The following TSPAN5 variants were observed in gnomAD, a reference collection of about 807,000 sequenced individuals.
The protein encoded by TSPAN5 is tetraspanin-5.
TSPAN5 carries 10 observed loss-of-function variants against 37.1 expected under a neutral mutation model. The ratio of observed to expected loss-of-function variants is 0.27; its 90% CI spans 0.17 to 0.46. TSPAN5 has a LOEUF of 0.46. Ranked by LOEUF, TSPAN5 falls within the 20% of genes least tolerant of loss-of-function variation. The pLI is 1.00. For missense variants in TSPAN5, 195 were observed against 326.6 expected, an observed-to-expected ratio of 0.60 and a Z score of 3.11; for synonymous variants, 110 against 118.9, an observed-to-expected ratio of 0.93 and a Z score of 0.48.
chr4:98,522,110 A>G (rs1753869493), intron 1 of TSPAN5, among the ~76,000 whole-genome samples: 1 of 152,244 alleles, frequency 6.6e-6, no homozygotes, highest in African/African-American at 2.4e-5. Context: ...AAAGCTTCAG[A>G]CATTGTACAG....
chr4:98,585,280 C>T (rs2110200442), intron 1 of TSPAN5, among the ~76,000 whole-genome samples: 1 of 152,226 alleles, frequency 6.6e-6, no homozygotes, highest in African/African-American at 2.4e-5. Flanking sequence ...CAGCCTCCCA[C>T]CTTTGGTAGT....
intron 1 of TSPAN5, among the ~76,000 whole-genome samples, chr4:98,645,066 G>A (rs964562669): frequency 2.0e-5 from 3 of 152,220 alleles, no homozygotes; most frequent in African/African-American, 7.2e-5. Flanking sequence ...GGTACCAGAA[G>A]AGAAGTTTTA....
intron 1 of TSPAN5, among the ~76,000 whole-genome samples, chr4:98,532,511 C>G (rs1246786149): frequency 6.6e-6 from 1 of 152,122 alleles, no homozygotes; most frequent in Non-Finnish European, 1.5e-5. Context: ...TGGTGTATAG[C>G]AATGCTTGTG....
intron 1 of TSPAN5, among the ~76,000 whole-genome samples, chr4:98,600,312 C>T (rs1341849832): frequency 6.6e-6 from 1 of 152,136 alleles, no homozygotes; most frequent in Admixed American, 6.5e-5. Context: ...AATAAGACAA[C>T]AATGAAGTTT....
At chr4:98,627,263 A>G (rs1756628458) in intron 1 of TSPAN5, among the ~76,000 whole-genome samples, 1 of 152,208 alleles carries the variant, frequency 6.6e-6, no homozygotes, top group Admixed American at 6.5e-5. Flanking sequence ...ACAGCTGGGT[A>G]TGAGTGATCC....
intron 1 of TSPAN5, among the ~76,000 whole-genome samples, chr4:98,570,210 T>C (rs1755089721): frequency 6.6e-6 from 1 of 152,214 alleles, no homozygotes; most frequent in African/African-American, 2.4e-5. Context: ...TTACTTCCTT[T>C]CACCCTATAA....
intron 7 of TSPAN5, among the ~76,000 whole-genome samples, chr4:98,475,627 C>A (rs1292985591): frequency 7.2e-5 from 11 of 152,142 alleles, no homozygotes; most frequent in Non-Finnish European, 1.5e-5. Flanking sequence ...TTAATGTCTC[C>A]ATCTTAGAAA....
At chr4:98,515,913 T>A (rs1366134854) in intron 1 of TSPAN5, among the ~76,000 whole-genome samples, 1 of 152,178 alleles carries the variant, frequency 6.6e-6, no homozygotes, top group African/African-American at 2.4e-5. Context: ...AACTTTTAAA[T>A]CCACTAATTT....
At chr4:98,509,761 C>T (rs988908547) in intron 1 of TSPAN5, 1 of 152,166 alleles carries the variant, frequency 6.6e-6, no homozygotes, top group African/African-American at 2.4e-5. Context: ...CTCTGTAGCA[C>T]AAAAGTAAAA....
chr4:98,556,024 CCACACACACAGCACCCCCACACA>C (rs1401743104), intron 1 of TSPAN5, among the ~76,000 whole-genome samples: 3 of 136,292 alleles, frequency 2.2e-5, no homozygotes, highest in Non-Finnish European at 3.2e-5. Flanking sequence ...GCACACACCC[CCACACACACAGCACCCCCACACA>C]CACACACACA....
At chr4:98,549,135 T>G (rs1263849264) in intron 1 of TSPAN5, among the ~76,000 whole-genome samples, 1 of 152,214 alleles carries the variant, frequency 6.6e-6, no homozygotes, top group African/African-American at 2.4e-5. Context: ...CATTTTCCAC[T>G]GAGGTTGTAC....
intron 1 of TSPAN5, among the ~76,000 whole-genome samples, chr4:98,521,287 C>T (rs1466214709): frequency 3.3e-5 from 5 of 152,112 alleles, no homozygotes; most frequent in Non-Finnish European, 4.4e-5. Flanking sequence ...ATTTGAACAG[C>T]AGATAGCCTT....
At chr4:98,656,419 G>A (rs1757295560) in intron 1 of TSPAN5, among the ~76,000 whole-genome samples, 1 of 152,316 alleles carries the variant, frequency 6.6e-6, no homozygotes, top group South Asian at 2.1e-4. Flanking sequence ...AAAAGAACCA[G>A]TCCCAGTTCG....
chr4:98,562,018 C>T (rs1000703763), intron 1 of TSPAN5, among the ~76,000 whole-genome samples: 1 of 152,220 alleles, frequency 6.6e-6, no homozygotes, highest in African/African-American at 2.4e-5. Context: ...CAAAAGTAGG[C>T]TCCATGATGG....
intron 1 of TSPAN5, among the ~76,000 whole-genome samples, chr4:98,520,476 T>A (rs1365796622): frequency 6.6e-6 from 1 of 152,104 alleles, no homozygotes; most frequent in African/African-American, 2.4e-5. Flanking sequence ...CTCTGTAATA[T>A]CTGGAAATAT....
chr4:98,607,894 A>G (rs1756077374), intron 1 of TSPAN5, among the ~76,000 whole-genome samples: 1 of 152,132 alleles, frequency 6.6e-6, no homozygotes, highest in Non-Finnish European at 1.5e-5. Flanking sequence ...TATTTTTAGT[A>G]GAGAGGGAGT....
At chr4:98,540,399 G>A (rs777211040) in intron 1 of TSPAN5, among the ~76,000 whole-genome samples, 3 of 151,848 alleles carry the variant, frequency 2.0e-5, no homozygotes, top group Non-Finnish European at 2.9e-5. Context: ...GTGCAGTGGC[G>A]CGATCTCGGC....
chr4:98,503,620 T>C (rs1055693072), intron 2 of TSPAN5, among the ~76,000 whole-genome samples: 7 of 152,216 alleles, frequency 4.6e-5, no homozygotes, highest in Non-Finnish European at 7.3e-5. Flanking sequence ...ACAGAAATGC[T>C]GAGCACTTTG....
chr4:98,631,131 T>C (rs1358769334), intron 1 of TSPAN5, among the ~76,000 whole-genome samples: 1 of 152,324 alleles, frequency 6.6e-6, no homozygotes, highest in East Asian at 1.9e-4. Context: ...CTGTTGTAGA[T>C]ATTTAACAAT....
Sources: gnomAD v4.1 joint callset for allele counts (sites outside exome capture counted in the v4.1 genomes callset) on GRCh38, gnomAD v4.1.1 for gene constraint, MANE v1.5 for transcripts, NCBI Gene and HGNC (gene_info 2026-07-23, HGNC 2026-07-21) for gene names.